The following FEM1B variants were observed in gnomAD, a reference collection of about 807,000 sequenced individuals.
The protein encoded by FEM1B is fem-1 homolog B.
In FEM1B, 10 loss-of-function variants were observed where a neutral mutation model predicts 38.6. That is an observed-to-expected ratio of 0.26 (90% CI 0.16 to 0.44). The LOEUF is 0.44. Among genes scored for constraint, FEM1B ranks in the 20% least tolerant of loss-of-function variants. The pLI, the probability that FEM1B is intolerant of heterozygous loss-of-function variation, is 1.00. For synonymous variants in FEM1B, 288 were observed against 288.0 expected, an observed-to-expected ratio of 1.00 and a Z score of 0.00; for missense variants, 471 against 786.7, an observed-to-expected ratio of 0.60 and a Z score of 4.80.
At chr15:68,287,236 T>A (rs900349992) in intron 1 of FEM1B, among the ~76,000 whole-genome samples, 1 of 152,244 alleles carries the variant, frequency 6.6e-6, no homozygotes, top group African/African-American at 2.4e-5. Flanking sequence ...AATGCATTTT[T>A]AAAAATAAAA....
rs955111014 is a variant in FEM1B, at chr15:68,284,873, A to T, written c.249-4734A>T. 3.3e-5 allele frequency among the ~76,000 whole-genome samples: 5 copies of T among 152,096 alleles called. No individual in the cohort carries two copies. Among genetic ancestry groups the T allele is most frequent in the African/African-American group, 1.2e-4 (5 of 41,396 alleles). The stretch of plus-strand genomic sequence containing the variant: ...GGGATCTGATGATTGTAAGGGGGAG[A>T]TTCCCTGCACAAGCTCACTTTGCCT... On this transcript the variant is annotated intron_variant, in intron 1 of 1. Transcript: ENST00000306917. The surrounding 1 kb of genome is among the most constrained non-coding windows in gnomAD (Gnocchi z 4.4).
chr15:68,279,447 C>T (rs58402939), intron 1 of FEM1B, among the ~76,000 whole-genome samples: 3,330 of 152,208 alleles, frequency 0.022, 102 homozygotes, highest in African/African-American at 0.071. Flanking sequence ...GGGTATTTGA[C>T]CAGAATTGTC....
Position 68,284,670 on chromosome 15 carries a change from C to G in FEM1B, c.249-4937C>G, listed in dbSNP as rs1468009545. On this transcript the variant is annotated intron_variant, in intron 1 of 1. Coordinates refer to ENST00000306917, the MANE Select transcript of FEM1B (RefSeq NM_015322.5). This position sits in a 1 kb window ranked among gnomAD's most constrained non-coding sequence, Gnocchi z 4.4. Reference sequence around the variant, plus strand: ...TAAAAGTTTCCCTTGTGCCCCTTCTCAGTTTCCTCCCTTTCCTTGCCAGAG... The same window carrying G: ...TAAAAGTTTCCCTTGTGCCCCTTCTGAGTTTCCTCCCTTTCCTTGCCAGAG... Among the ~76,000 whole-genome samples the G allele has an allele frequency of 6.6e-6, 1 of 152,148 alleles. No homozygotes were observed. Among genetic ancestry groups the G allele is most frequent in the Non-Finnish European group, 1.5e-5 (1 of 68,032 alleles).
chr15:68,279,670 C>G (rs1011719390), intron 1 of FEM1B, among the ~76,000 whole-genome samples: 1 of 150,074 alleles, frequency 6.7e-6, no homozygotes, highest in African/African-American at 2.5e-5. Flanking sequence ...GGCTAAAACT[C>G]GACTGAAAAA....
chr15:68,283,830 G>A (rs188804247), intron 1 of FEM1B, among the ~76,000 whole-genome samples: 1 of 150,224 alleles, frequency 6.7e-6, no homozygotes, highest in East Asian at 1.9e-4. Flanking sequence ...GTTTCCTTAC[G>A]TTTGATGCAT....
rs747171766 is a variant in FEM1B, at chr15:68,284,234, CTATAA to C, written c.249-5365_249-5361del. ...ATCTGCATAATAGTTAATATTATAA[CTATAA>C]TATAATAGTATAATAGGGCATAATA... is the stretch of plus-strand genomic sequence containing the variant. On this transcript the variant is annotated intron_variant, in intron 1 of 1. Transcript: ENST00000306917. This position sits in a 1 kb window ranked among gnomAD's most constrained non-coding sequence, Gnocchi z 4.4. Among the ~76,000 whole-genome samples the C allele has an allele frequency of 6.6e-6, 1 of 151,942 alleles. No individual in the cohort carries two copies. The highest frequency in any genetic ancestry group is 2.4e-5 in the African/African-American group (1 of 41,360).
At position 68,281,294 on chromosome 15, in the gene FEM1B, G is replaced by A. The variant is rs771201983; in HGVS notation, c.248+2629G>A. ...CTAATTTTTAGTCATTCACGTGCTA[G>A]CTTCATAATTTTTGGCCAAATTGTT... is the stretch of plus-strand genomic sequence containing the variant. On this transcript the variant is annotated intron_variant, in intron 1 of 1. Transcript: ENST00000306917. This position sits in a 1 kb window ranked among gnomAD's most constrained non-coding sequence, Gnocchi z 5.1. 8.5e-5 allele frequency among the ~76,000 whole-genome samples: 13 copies of A among 152,290 alleles called. No individual in the cohort carries two copies. The highest frequency in any genetic ancestry group is 3.4e-3 in the Middle Eastern group (1 of 294).
intron 1 of FEM1B, among the ~76,000 whole-genome samples, chr15:68,279,222 A>G (rs777200098): frequency 2.6e-5 from 4 of 152,190 alleles, no homozygotes; most frequent in Non-Finnish European, 4.4e-5. Flanking sequence ...ATCTCAAGAC[A>G]TGATTCTGAT....
chr15:68,293,796 CAACTTAATTTTTTTTTAAAA>C lies in FEM1B; in HGVS notation c.*2557_*2576del, dbSNP rs541231283. 13 of 152,080 alleles carry C rather than the reference CAACTTAATTTTTTTTTAAAA, an allele frequency of 8.5e-5. No individual in the cohort carries two copies. Among genetic ancestry groups the C allele is most frequent in the African/African-American group, 3.1e-4 (13 of 41,454 alleles). 9.4% of individuals were successfully genotyped at this position (152,080 alleles called of 1,614,324 possible). A position where few individuals can be genotyped will look rare whatever the true frequency, so the allele number is the denominator to read the frequency against. On this transcript the variant is annotated 3_prime_UTR_variant, in exon 2 of 2. Coordinates refer to ENST00000306917, the MANE Select transcript of FEM1B (RefSeq NM_015322.5). The surrounding 1 kb of genome is among the most constrained non-coding windows in gnomAD (Gnocchi z 5.8). ...AAATATGTTTAGCCAGACCCTTCCC[CAACTTAATTTTTTTTTAAAA>C]AAGGAAAATAGGTAAGAAAATGATA...
intron 1 of FEM1B, among the ~76,000 whole-genome samples, chr15:68,282,971 G>C (rs1056323642): frequency 1.3e-5 from 2 of 152,034 alleles, no homozygotes; most frequent in Admixed American, 6.6e-5. Context: ...GAATTCTTTT[G>C]TCATAGAATA....
Position 68,278,345 on chromosome 15 carries a change from C to A in FEM1B, c.-73C>A. Reference sequence around the variant, plus strand: ...TGAGGGCCCAGGTTTAAAGCGCTGGCGAACGCGGCCTCCGGGGGCGCACGG... The same window carrying A: ...TGAGGGCCCAGGTTTAAAGCGCTGGAGAACGCGGCCTCCGGGGGCGCACGG... On this transcript the variant is annotated 5_prime_UTR_variant, in exon 1 of 2. Coordinates refer to ENST00000306917, the MANE Select transcript of FEM1B (RefSeq NM_015322.5). This position sits in a 1 kb window ranked among gnomAD's most constrained non-coding sequence, Gnocchi z 5.7. 6.5e-7 allele frequency: 1 copy of A among 1,528,522 alleles called. No individual in the cohort carries two copies. The highest frequency in any genetic ancestry group is 8.8e-7 in the Non-Finnish European group (1 of 1,136,408). The allele number at this position is 1,528,522 out of a possible 1,614,324, so 94.7% of individuals were successfully genotyped here. A position where few individuals can be genotyped will look rare whatever the true frequency, so the allele number is the denominator to read the frequency against.
At chr15:68,279,485 C>T (rs1031144334) in intron 1 of FEM1B, among the ~76,000 whole-genome samples, 1 of 152,122 alleles carries the variant, frequency 6.6e-6, no homozygotes, top group African/African-American at 2.4e-5. Flanking sequence ...CTTTTCTATG[C>T]TGGAGGATTA....
rs1331097439 is a variant in FEM1B at position 68,284,715 on chromosome 15, C to A, written c.249-4892C>A. Among the ~76,000 whole-genome samples the A allele has an allele frequency of 6.6e-6, 1 of 152,160 alleles. No individual in the cohort carries two copies. The highest frequency in any genetic ancestry group is 1.9e-4 in the East Asian group (1 of 5,200). ...CCAGAGGTAATGATTATTTTGACTT[C>A]TGATAGGGTTTGGCTATGTCCCACC... is the stretch of plus-strand genomic sequence containing the variant. On this transcript the variant is annotated intron_variant, in intron 1 of 1. Coordinates refer to ENST00000306917, the MANE Select transcript of FEM1B (RefSeq NM_015322.5). The surrounding 1 kb of genome is among the most constrained non-coding windows in gnomAD (Gnocchi z 4.4).
chr15:68,279,457 C>T (rs150399040), intron 1 of FEM1B, among the ~76,000 whole-genome samples: 3,865 of 152,262 alleles, frequency 0.025, 61 homozygotes, highest in Middle Eastern at 0.068. Flanking sequence ...CCAGAATTGT[C>T]AGGTTTGACA....
intron 1 of FEM1B, among the ~76,000 whole-genome samples, chr15:68,287,851 T>TG (rs1892806254): frequency 6.6e-6 from 1 of 150,498 alleles, no homozygotes; most frequent in Non-Finnish European, 1.5e-5. Context: ...TTTTTTTTTT[T>TG]TGAGATGAAG....
intron 1 of FEM1B, among the ~76,000 whole-genome samples, chr15:68,283,254 T>C (rs1892747092): frequency 6.6e-6 from 1 of 152,098 alleles, no homozygotes; most frequent in Non-Finnish European, 1.5e-5. Context: ...AGGGTAATGC[T>C]TTTCCTATAG....
At chr15:68,287,830 C>CTTTTTTTTTT (rs71455589) in intron 1 of FEM1B, among the ~76,000 whole-genome samples, 1 of 114,680 alleles carries the variant, frequency 8.7e-6, no homozygotes, top group Non-Finnish European at 1.8e-5. Context: ...GCTAACGTCT[C>CTTTTTTTTTT]TTTTTTTTTT....
rs1301084324 is a variant in FEM1B, at chr15:68,281,326, C to T, written c.248+2661C>T. The stretch of plus-strand genomic sequence containing the variant: ...AATTTTTGGCCAAATTGTTCACTAA[C>T]CTGCTGTTTACTTAATAAATATCTT... On this transcript the variant is annotated intron_variant, in intron 1 of 1. Coordinates refer to ENST00000306917, the MANE Select transcript of FEM1B (RefSeq NM_015322.5). The surrounding 1 kb of genome is among the most constrained non-coding windows in gnomAD (Gnocchi z 5.1). Among the ~76,000 whole-genome samples, 2 of 152,146 alleles carry T rather than the reference C, an allele frequency of 1.3e-5. No individual in the cohort carries two copies. Among genetic ancestry groups the T allele is most frequent in the Admixed American group, 1.3e-4 (2 of 15,282 alleles).
At position 68,288,694 on chromosome 15, in the gene FEM1B, A is replaced by G. The variant is rs552948814; in HGVS notation, c.249-913A>G. Among the ~76,000 whole-genome samples the G allele has an allele frequency of 7.9e-5, 12 of 152,288 alleles. No individual in the cohort carries two copies. Among genetic ancestry groups the G allele is most frequent in the African/African-American group, 2.6e-4 (11 of 41,572 alleles). On this transcript the variant is annotated intron_variant, in intron 1 of 1. Coordinates refer to ENST00000306917, the MANE Select transcript of FEM1B (RefSeq NM_015322.5). The surrounding 1 kb of genome is among the most constrained non-coding windows in gnomAD (Gnocchi z 4.6). ...GAGAAGATATCTGCTTGGTTTTCCA[A>G]AAGTGCTAATTATTTCCTGCTGTTA...
Sources: allele counts gnomAD v4.1 joint callset (sites outside exome capture counted in the v4.1 genomes callset), GRCh38; gene constraint gnomAD v4.1.1; non-coding constraint Gnocchi (gnomAD v3.1); transcripts MANE v1.5; gene names NCBI Gene and HGNC (gene_info 2026-07-23, HGNC 2026-07-21).